Variants in SLC6A15 observed in about 807,000 individuals in gnomAD.
SLC6A15 encodes the protein solute carrier family 6 member 15.
SLC6A15 carries 33 observed loss-of-function variants against 68.5 expected under a neutral mutation model. The ratio of observed to expected loss-of-function variants is 0.48; its 90% CI spans 0.37 to 0.64. The LOEUF (loss-of-function observed/expected upper bound fraction) is 0.64. Ranked by LOEUF, SLC6A15 falls within the 30% of genes least tolerant of loss-of-function variation. The probability of loss-of-function intolerance (pLI) is 0.00; values close to 1 mark genes in which losing one functional copy is unlikely to be tolerated. For missense variants in SLC6A15, 747 were observed against 874.3 expected (o/e 0.85, Z 1.84); for synonymous variants, 347 against 301.0 (o/e 1.15, Z -1.58).
chr12:84,865,021 T>C (rs988311229), intron 10 of SLC6A15, among the ~76,000 whole-genome samples: 1 of 152,212 alleles, frequency 6.6e-6, no homozygotes, highest in African/African-American at 2.4e-5. Context: ...AGTAAGTCTA[T>C]CATGAATAAC....
At chr12:84,888,099 G>GA (rs147160870) in intron 2 of SLC6A15, among the ~76,000 whole-genome samples, 18,818 of 141,096 alleles carry the variant, frequency 0.13, 1,285 homozygotes, top group South Asian at 0.27. Context: ...AAAAACAAAG[G>GA]AAAAAAAAAA....
chr12:84,883,673 ACT>A lies in SLC6A15; in HGVS notation c.756+184_756+185del, dbSNP rs1175111710. The stretch of plus-strand genomic sequence containing the variant: ...TTAACCTTAGATTTCACTATAAAAC[ACT>A]GTTTTTATTTGTCTTTTTAAAAATG... On this transcript the variant is annotated intron_variant, in intron 5 of 11. Transcript: ENST00000266682. The A allele has an allele frequency of 4.1e-5, 62 of 1,514,308 alleles. No homozygotes were observed. In the Middle Eastern group the frequency reaches 5.3e-4, roughly 13 times the overall value. The allele number at this position is 1,514,308 out of a possible 1,614,324, so 93.8% of individuals were successfully genotyped here.
At chr12:84,865,978 TAA>T (rs1164791642) in intron 10 of SLC6A15, among the ~76,000 whole-genome samples, 1 of 152,220 alleles carries the variant, frequency 6.6e-6, no homozygotes, top group Non-Finnish European at 1.5e-5. Flanking sequence ...GATTATACAC[TAA>T]GAGCTATTAC....
At chr12:84,871,447 C>A (rs376130564) in intron 8 of SLC6A15, among the ~76,000 whole-genome samples, 1 of 151,672 alleles carries the variant, frequency 6.6e-6, no homozygotes, top group Non-Finnish European at 1.5e-5. Context: ...GAATTACTTG[C>A]AAATATTAAT....
Position 84,865,690 on chromosome 12 carries a change from A to T in SLC6A15, c.1655+1344T>A, listed in dbSNP as rs1871034500. Among the ~76,000 whole-genome samples the T allele has an allele frequency of 2.6e-5, 4 of 152,304 alleles. No individual in the cohort carries two copies. In the South Asian group the frequency reaches 6.2e-4, roughly 24 times the overall value. ...TCCATAGTTTTACCTTTTCCATATT[A>T]TAATATAGGGGAATCTTACAATATG... is the stretch of plus-strand genomic sequence containing the variant. On this transcript the variant is annotated intron_variant, in intron 10 of 11. Coordinates refer to ENST00000266682, the MANE Select transcript of SLC6A15 (RefSeq NM_182767.6).
At chr12:84,876,995 TC>T (rs1156818855) in intron 5 of SLC6A15, among the ~76,000 whole-genome samples, 1 of 152,204 alleles carries the variant, frequency 6.6e-6, no homozygotes, top group Admixed American at 6.5e-5. Flanking sequence ...TATTTCTTTT[TC>T]TTTTAACCAA....
intron 1 of SLC6A15, among the ~76,000 whole-genome samples, chr12:84,897,806 T>C (rs976906882): frequency 1.3e-5 from 2 of 152,004 alleles, no homozygotes; most frequent in Non-Finnish European, 2.9e-5. Context: ...TACATAATCA[T>C]AAAATTTAGC....
chr12:84,900,908 G>T (rs1872833978), intron 1 of SLC6A15, among the ~76,000 whole-genome samples: 1 of 126,944 alleles, frequency 7.9e-6, no homozygotes, highest in Non-Finnish European at 1.6e-5. Flanking sequence ...GTATAGATAT[G>T]TATATATATA....
chr12:84,898,579 T>A (rs1483027959), intron 1 of SLC6A15, among the ~76,000 whole-genome samples: 1 of 152,212 alleles, frequency 6.6e-6, no homozygotes, highest in Non-Finnish European at 1.5e-5. Context: ...CTGGCCAAGT[T>A]ATTAAACTGT....
chr12:84,866,298 T>C (rs1236173239), intron 10 of SLC6A15, among the ~76,000 whole-genome samples: 1 of 152,202 alleles, frequency 6.6e-6, no homozygotes, highest in Non-Finnish European at 1.5e-5. Context: ...GAGAGAACTC[T>C]GGTGCTTCAC....
intron 1 of SLC6A15, among the ~76,000 whole-genome samples, chr12:84,899,564 C>A (rs892804580): frequency 9.9e-5 from 15 of 152,088 alleles, no homozygotes; most frequent in African/African-American, 3.4e-4. Flanking sequence ...CCCATTGTTT[C>A]TTTGAGCTCC....
Position 84,891,972 on chromosome 12 carries a change from T to C in SLC6A15, c.149A>G (p.Asp50Gly). 2.5e-6 allele frequency: 4 copies of C among 1,614,030 alleles called. No individual in the cohort carries two copies. Among genetic ancestry groups the C allele is most frequent in the Non-Finnish European group, 3.4e-6 (4 of 1,179,986 alleles). ...TTCGACTTCAGATCCTTCTTCAACA[T>C]CTGTATCTTTCTCTTCCTGGCCATC... The part of the protein sequence containing the change: ...IVDGQEEKDT[D>G]VEEGSEVEDE... The change falls in exon 2 of 12, where the codon GAT becomes GGT. Residue 50 changes from aspartate (D) to glycine (G), a missense_variant. Physicochemically the swap from Asp to Gly is moderately conservative, Grantham distance 94. Coordinates refer to ENST00000266682, the MANE Select transcript of SLC6A15 (RefSeq NM_182767.6).
intron 1 of SLC6A15, among the ~76,000 whole-genome samples, chr12:84,902,147 A>G (rs917634066): frequency 6.6e-6 from 1 of 151,962 alleles, no homozygotes; most frequent in Non-Finnish European, 1.5e-5. Flanking sequence ...GTATTTTGCA[A>G]ATTGTATCCT....
At chr12:84,911,095 C>T (rs1289274151) in intron 1 of SLC6A15, among the ~76,000 whole-genome samples, 5 of 152,174 alleles carry the variant, frequency 3.3e-5, no homozygotes, top group South Asian at 2.1e-4. Context: ...CAGCAATGAT[C>T]TTGCAGAAAT....
intron 5 of SLC6A15, 70 bp downstream of exon 5, chr12:84,883,789 C>T (rs569369345): frequency 2.5e-6 from 4 of 1,613,546 alleles, no homozygotes; most frequent in Non-Finnish European, 1.7e-6. Flanking sequence ...AAATCTGTAA[C>T]AGAATTTGAG....
chr12:84,912,204 A>T (rs991399212), intron 1 of SLC6A15, among the ~76,000 whole-genome samples: 9 of 151,962 alleles, frequency 5.9e-5, no homozygotes, highest in African/African-American at 1.7e-4. Flanking sequence ...GTCTCTGGGG[A>T]TGCTGTGGGC....
intron 2 of SLC6A15, among the ~76,000 whole-genome samples, chr12:84,886,676 ATT>A (rs1036343789): frequency 6.6e-6 from 1 of 152,004 alleles, no homozygotes; most frequent in Non-Finnish European, 1.5e-5. Flanking sequence ...ACACAAATAG[ATT>A]TTGTTTTCCA....
chr12:84,883,040 G>A lies in SLC6A15; in HGVS notation c.756+819C>T, dbSNP rs143777364. On this transcript the variant is annotated intron_variant, in intron 5 of 11. Coordinates refer to ENST00000266682, the MANE Select transcript of SLC6A15 (RefSeq NM_182767.6). The stretch of plus-strand genomic sequence containing the variant: ...CCTGAAATCAGTTATACTTTGAAAA[G>A]GAAAATAGCACAGCTGGACAGTTAA... 1,668 of 984,588 alleles carry A rather than the reference G, an allele frequency of 1.7e-3. 5 individuals are homozygous for A. In the African/African-American group the frequency reaches 0.019, roughly 11 times the overall value. The allele number at this position is 984,588 out of a possible 1,614,324, so 61.0% of individuals were successfully genotyped here. A position where few individuals can be genotyped will look rare whatever the true frequency, so the allele number is the denominator to read the frequency against.
intron 1 of SLC6A15, among the ~76,000 whole-genome samples, chr12:84,907,165 C>T (rs752357433): frequency 2.0e-5 from 3 of 151,808 alleles, no homozygotes; most frequent in South Asian, 4.2e-4. Flanking sequence ...CTGGCTAACA[C>T]GGTGAAACCC....
Sources: gnomAD v4.1 joint callset for allele counts (sites outside exome capture counted in the v4.1 genomes callset) on GRCh38, gnomAD v4.1.1 for gene constraint, MANE v1.5 for transcripts, NCBI Gene and HGNC (gene_info 2026-07-23, HGNC 2026-07-21) for gene names.